ASIC2: variants seen among roughly 807,000 people sequenced by gnomAD.
The protein encoded by ASIC2 is acid-sensing ion channel 2.
In ASIC2, 25 loss-of-function variants were observed where a neutral mutation model predicts 57.3. The observed-to-expected ratio is 0.44, with a 90% CI of 0.32 to 0.61. ASIC2 has a LOEUF of 0.61. Ranked by LOEUF, ASIC2 falls within the 20% of genes least tolerant of loss-of-function variation. The pLI is 0.06. For missense variants in ASIC2, 641 were observed against 738.1 expected, an observed-to-expected ratio of 0.87 and a Z score of 1.52; for synonymous variants, 319 against 307.5, an observed-to-expected ratio of 1.04 and a Z score of -0.39.
chr17:33,851,269 G>C (rs569820912), intron 1 of ASIC2, among the ~76,000 whole-genome samples: 2 of 152,184 alleles, frequency 1.3e-5, no homozygotes, highest in African/African-American at 4.8e-5. Flanking sequence ...TAGGCAGAGG[G>C]TCCCTAGTAG....
intron 1 of ASIC2, among the ~76,000 whole-genome samples, chr17:33,139,404 T>C (rs1411550415): frequency 6.6e-6 from 1 of 152,246 alleles, no homozygotes; most frequent in East Asian, 1.9e-4. Context: ...GAAAAATCTT[T>C]CAGTCCATTC....
intron 1 of ASIC2, among the ~76,000 whole-genome samples, chr17:33,379,425 A>C (rs1056240220): frequency 6.6e-6 from 1 of 152,198 alleles, no homozygotes; most frequent in Non-Finnish European, 1.5e-5. Flanking sequence ...TTTGGTTCTA[A>C]GCACTTTATC....
intron 4 of ASIC2, 89 bp from the exon 5 acceptor site, chr17:33,026,071 T>G (rs1264913548): frequency 1.4e-6 from 2 of 1,463,732 alleles, no homozygotes; most frequent in Non-Finnish European, 1.9e-6. Context: ...GGGAAAGGGG[T>G]GCCTCCTGGC....
chr17:33,336,337 T>C (rs1321318204), intron 1 of ASIC2, among the ~76,000 whole-genome samples: 2 of 152,158 alleles, frequency 1.3e-5, no homozygotes, highest in Admixed American at 1.3e-4. Context: ...CCCGTCTCTA[T>C]TTAAAATTTG....
At chr17:33,418,340 C>T (rs959652453) in intron 1 of ASIC2, among the ~76,000 whole-genome samples, 1 of 151,982 alleles carries the variant, frequency 6.6e-6, no homozygotes, top group African/African-American at 2.4e-5. Context: ...GAAAACCTAC[C>T]TTGAAAAATA....
At chr17:33,998,564 G>T (rs1906236213) in intron 1 of ASIC2, among the ~76,000 whole-genome samples, 1 of 151,878 alleles carries the variant, frequency 6.6e-6, no homozygotes. Flanking sequence ...TTGGTATGTT[G>T]TGTTTTCATT....
chr17:33,681,655 C>T (rs1908004603), intron 1 of ASIC2, among the ~76,000 whole-genome samples: 8 of 152,360 alleles, frequency 5.3e-5, no homozygotes, highest in Admixed American at 5.2e-4. Flanking sequence ...GGCTGTTACT[C>T]ACGCCGTTCC....
chr17:33,615,448 T>A (rs1244104569), intron 1 of ASIC2, among the ~76,000 whole-genome samples: 3 of 152,186 alleles, frequency 2.0e-5, no homozygotes, highest in Non-Finnish European at 2.9e-5. Context: ...ACTGGAAAAT[T>A]ATGGACATTG....
At chr17:33,204,942 T>C (rs1597628842) in intron 1 of ASIC2, among the ~76,000 whole-genome samples, 1 of 152,374 alleles carries the variant, frequency 6.6e-6, no homozygotes, top group Middle Eastern at 3.4e-3. Flanking sequence ...GGTTGAGCCA[T>C]GCCTGAAGTC....
intron 1 of ASIC2, among the ~76,000 whole-genome samples, chr17:33,613,490 G>A (rs993515737): frequency 9.3e-5 from 14 of 150,792 alleles, no homozygotes; most frequent in African/African-American, 3.2e-4. Context: ...TCAGCCTCAC[G>A]AGTAGCTGGG....
intron 1 of ASIC2, among the ~76,000 whole-genome samples, chr17:33,724,186 T>C (rs1407575117): frequency 1.3e-5 from 2 of 152,152 alleles, no homozygotes; most frequent in Non-Finnish European, 2.9e-5. Flanking sequence ...ATATAAGACA[T>C]GACTTTCATT....
At chr17:34,036,629 T>C (rs909071457) in intron 1 of ASIC2, 1 of 150,406 alleles carries the variant, frequency 6.6e-6, no homozygotes, top group African/African-American at 2.4e-5. Context: ...CCTACTAGCA[T>C]TTTATCAAGG....
At chr17:33,587,927 G>A (rs916356687) in intron 1 of ASIC2, among the ~76,000 whole-genome samples, 1 of 152,160 alleles carries the variant, frequency 6.6e-6, no homozygotes, top group African/African-American at 2.4e-5. Context: ...CTTCAGGCAA[G>A]TAGATCTCAG....
chr17:33,818,559 A>G (rs1267423970), intron 1 of ASIC2, among the ~76,000 whole-genome samples: 1 of 152,048 alleles, frequency 6.6e-6, no homozygotes, highest in African/African-American at 2.4e-5. Flanking sequence ...GACATTTAGC[A>G]ATTTCCAGAG....
At chr17:33,015,867 G>A (rs919229390) in intron 9 of ASIC2, 104 bp downstream of exon 9, 2 of 1,192,738 alleles carry the variant, frequency 1.7e-6, no homozygotes, top group Non-Finnish European at 1.2e-6. Flanking sequence ...ATGGAAAGGT[G>A]TGCAGTGAGT....
chr17:33,905,141 C>CTTTTTTTTTTT (rs57064859), intron 1 of ASIC2, among the ~76,000 whole-genome samples: 1 of 87,886 alleles, frequency 1.1e-5, no homozygotes, highest in Admixed American at 1.3e-4. Context: ...TAGTTTAAGG[C>CTTTTTTTTTTT]TTTTTTTTTT....
At chr17:33,537,655 A>C (rs1036381839) in intron 1 of ASIC2, among the ~76,000 whole-genome samples, 1 of 152,214 alleles carries the variant, frequency 6.6e-6, no homozygotes, top group Non-Finnish European at 1.5e-5. Flanking sequence ...TGCTCAGATC[A>C]TAATGTGGGT....
chr17:33,402,303 G>T (rs976171254), intron 1 of ASIC2, among the ~76,000 whole-genome samples: 2 of 151,952 alleles, frequency 1.3e-5, no homozygotes, highest in Non-Finnish European at 2.9e-5. Context: ...ATTTTTTTAA[G>T]TTCCAAGGTG....
chr17:33,914,210 T>C (rs887489572), intron 1 of ASIC2, among the ~76,000 whole-genome samples: 5 of 152,324 alleles, frequency 3.3e-5, no homozygotes, highest in Admixed American at 6.5e-5. Flanking sequence ...TTGCAAACGG[T>C]CCATTGTGGG....
Sources: allele counts gnomAD v4.1 joint callset (sites outside exome capture counted in the v4.1 genomes callset), GRCh38; gene constraint gnomAD v4.1.1; transcripts MANE v1.5; gene names NCBI Gene and HGNC (gene_info 2026-07-23, HGNC 2026-07-21).